Variants in SLCO3A1 observed in about 807,000 individuals in gnomAD.
SLCO3A1 encodes PGE1 transporter.
A neutral mutation model predicts 63.1 loss-of-function variants in SLCO3A1; 27 were observed. The observed-to-expected ratio is 0.43, with a 90% CI of 0.32 to 0.59. The LOEUF (loss-of-function observed/expected upper bound fraction) is 0.59, where lower values mean the gene tolerates loss of function less well. Among genes scored for constraint, SLCO3A1 ranks in the 20% least tolerant of loss-of-function variants. The pLI is 0.09. For synonymous variants in SLCO3A1, 473 were observed against 409.9 expected (o/e 1.15, Z -1.86); for missense variants, 773 against 945.8 (o/e 0.82, Z 2.40).
At chr15:92,009,813 ACAGATGTTT>A (rs2046349889) in intron 2 of SLCO3A1, among the ~76,000 whole-genome samples, 1 of 152,176 alleles carries the variant, frequency 6.6e-6, no homozygotes, top group African/African-American at 2.4e-5. Flanking sequence ...AGCTTGTCCC[ACAGATGTTT>A]CTTTCCTGAA....
At chr15:92,070,075 C>T (rs955439865) in intron 2 of SLCO3A1, among the ~76,000 whole-genome samples, 1 of 152,162 alleles carries the variant, frequency 6.6e-6, no homozygotes, top group African/African-American at 2.4e-5. Flanking sequence ...AGTCATTCTC[C>T]CAAAGAGGCG....
At chr15:91,927,615 G>A (rs886765177) in intron 2 of SLCO3A1, among the ~76,000 whole-genome samples, 4 of 152,092 alleles carry the variant, frequency 2.6e-5, no homozygotes, top group Admixed American at 1.3e-4. Context: ...TCATTCTGAT[G>A]GCTCTCCAAG....
rs1897723274 is a variant in SLCO3A1, at chr15:91,886,332, T to C, written c.181-29661T>C. Among the ~76,000 whole-genome samples, 1 of 152,198 alleles carries C rather than the reference T, an allele frequency of 6.6e-6. No homozygotes were observed. Among genetic ancestry groups the C allele is most frequent in the South Asian group, 2.1e-4 (1 of 4,828 alleles). On this transcript the variant is annotated intron_variant, in intron 1 of 9. Coordinates refer to ENST00000318445, the MANE Select transcript of SLCO3A1 (RefSeq NM_013272.4). This position sits in a 1 kb window ranked among gnomAD's most constrained non-coding sequence, Gnocchi z 4.9. Reference sequence around the variant, plus strand: ...CTTGTCTCTCATGCTTCTCTTTTAATTGAGATTTCCTTCAAGTCCTCCTTT... The same window carrying C: ...CTTGTCTCTCATGCTTCTCTTTTAACTGAGATTTCCTTCAAGTCCTCCTTT...
chr15:92,053,684 G>A (rs111723188), intron 2 of SLCO3A1, among the ~76,000 whole-genome samples: 1 of 14,924 alleles, frequency 6.7e-5, no homozygotes, highest in African/African-American at 1.1e-4. Context: ...TTGTTTTTTT[G>A]TTTGTTTGTT....
intron 7 of SLCO3A1, among the ~76,000 whole-genome samples, chr15:92,146,181 C>T (rs1014308471): frequency 3.9e-5 from 6 of 152,270 alleles, no homozygotes; most frequent in East Asian, 3.9e-4. Flanking sequence ...GGCTTGGCAC[C>T]GGGCACTGCC....
chr15:91,867,303 G>T (rs1052117854), intron 1 of SLCO3A1, among the ~76,000 whole-genome samples: 2 of 152,198 alleles, frequency 1.3e-5, no homozygotes, highest in African/African-American at 4.8e-5. Flanking sequence ...CGCATGCTGA[G>T]GCCAAGGGGC....
chr15:92,161,100 T>C (rs530267057), intron 9 of SLCO3A1, among the ~76,000 whole-genome samples: 3 of 152,340 alleles, frequency 2.0e-5, no homozygotes, highest in Admixed American at 2.0e-4. Context: ...ATAGAGGCCC[T>C]GGGATCTCAG....
intron 2 of SLCO3A1, among the ~76,000 whole-genome samples, chr15:92,032,650 C>T (rs530571792): frequency 5.0e-4 from 76 of 151,996 alleles, no homozygotes; most frequent in African/African-American, 1.7e-3. Flanking sequence ...GCCCTGGGTG[C>T]GGTGATTGGG....
In SLCO3A1 at chr15:91,968,147, A is replaced by G. The variant is rs1371408491; in HGVS notation, c.646+51689A>G. ...GCACAGTGCGTGTCTCCTTTCTCAG[A>G]CAGAGGACGTAATCATCCATGCCCA... On this transcript the variant is annotated intron_variant, in intron 2 of 9. Coordinates refer to ENST00000318445, the MANE Select transcript of SLCO3A1 (RefSeq NM_013272.4). This position sits in a 1 kb window ranked among gnomAD's most constrained non-coding sequence, Gnocchi z 4.2. Among the ~76,000 whole-genome samples the G allele has an allele frequency of 6.6e-6, 1 of 152,080 alleles. No individual in the cohort carries two copies. Among genetic ancestry groups the G allele is most frequent in the Non-Finnish European group, 1.5e-5 (1 of 68,010 alleles).
intron 2 of SLCO3A1, among the ~76,000 whole-genome samples, chr15:91,940,627 T>C (rs1483168954): frequency 1.3e-5 from 2 of 152,100 alleles, no homozygotes; most frequent in Admixed American, 1.3e-4. Context: ...CCTCTGTCAC[T>C]CAAAAAACCC....
chr15:92,032,808 A>T (rs1400478600), intron 2 of SLCO3A1, among the ~76,000 whole-genome samples: 1 of 152,112 alleles, frequency 6.6e-6, no homozygotes, highest in South Asian at 2.1e-4. Flanking sequence ...AGTACTAAAA[A>T]GATTTGGAGC....
chr15:92,046,288 A>T (rs2892289), intron 2 of SLCO3A1, among the ~76,000 whole-genome samples: 1 of 151,808 alleles, frequency 6.6e-6, no homozygotes, highest in African/African-American at 2.4e-5. Flanking sequence ...GCCGAGACGG[A>T]TGGGTCACTT....
intron 7 of SLCO3A1, among the ~76,000 whole-genome samples, chr15:92,135,141 C>T (rs1357085287): frequency 6.6e-6 from 1 of 152,106 alleles, no homozygotes; most frequent in African/African-American, 2.4e-5. Context: ...ATGATGCAGG[C>T]AGGTTTGGAG....
rs2048467375 is a variant in SLCO3A1, at chr15:92,163,559, A to T, written c.*424A>T. The T allele has an allele frequency of 1.0e-6, 1 of 982,934 alleles. No individual in the cohort carries two copies. The allele number at this position is 982,934 out of a possible 1,614,324, so 60.9% of individuals were successfully genotyped here. On this transcript the variant is annotated 3_prime_UTR_variant, in exon 10 of 10. Transcript: ENST00000318445. ...AGTTTCCTAAAATAAAAAAAATTAA[A>T]AAAAAAAAACCCACAAGTTGAAAAC... is the stretch of plus-strand genomic sequence containing the variant.
At position 91,912,714 on chromosome 15, in the gene SLCO3A1, A is replaced by G. The variant is rs1377125657; in HGVS notation, c.181-3279A>G. The stretch of plus-strand genomic sequence containing the variant: ...TTCTCTCCCTTCCCCCTACTTTGTT[A>G]CCCTCCAGCCTCATGGTGGGTCCTA... On this transcript the variant is annotated intron_variant, in intron 1 of 9. Coordinates refer to ENST00000318445, the MANE Select transcript of SLCO3A1 (RefSeq NM_013272.4). This position sits in a 1 kb window ranked among gnomAD's most constrained non-coding sequence, Gnocchi z 5.0. Among the ~76,000 whole-genome samples the G allele has an allele frequency of 6.6e-6, 1 of 151,994 alleles. No individual in the cohort carries two copies. Among genetic ancestry groups the G allele is most frequent in the Non-Finnish European group, 1.5e-5 (1 of 68,004 alleles).
Position 92,163,851 on chromosome 15 carries a change from A to T in SLCO3A1, c.*716A>T, listed in dbSNP as rs539737679. On this transcript the variant is annotated 3_prime_UTR_variant, in exon 10 of 10. Transcript: ENST00000318445. ...TTCCATGTTCAAGACTGAGGGCCTG[A>T]GGGGGAGCCAGGTGGGGGGCCAGCA... is the stretch of plus-strand genomic sequence containing the variant. 6 of 985,368 alleles carry T rather than the reference A, an allele frequency of 6.1e-6. No individual in the cohort carries two copies. The Admixed American group carries it at 2.5e-4, about 40-fold the overall frequency. 61.0% of individuals were successfully genotyped at this position (985,368 alleles called of 1,614,324 possible).
intron 2 of SLCO3A1, among the ~76,000 whole-genome samples, chr15:91,934,774 A>G (rs2151392689): frequency 6.6e-6 from 1 of 151,744 alleles, no homozygotes; most frequent in Middle Eastern, 3.4e-3. Context: ...TTCCTTTTCT[A>G]TTTTTCCGGT....
At chr15:91,986,891 A>C (rs938536186) in intron 2 of SLCO3A1, among the ~76,000 whole-genome samples, 4 of 152,144 alleles carry the variant, frequency 2.6e-5, no homozygotes. Flanking sequence ...ATATGGGGAG[A>C]AGGGTATCTC....
At chr15:92,051,658 C>T (rs2046958714) in intron 2 of SLCO3A1, among the ~76,000 whole-genome samples, 1 of 152,068 alleles carries the variant, frequency 6.6e-6, no homozygotes, top group Admixed American at 6.5e-5. Context: ...TCTTCTGATC[C>T]CATCGTGAAA....
Sources: allele counts gnomAD v4.1 joint callset (sites outside exome capture counted in the v4.1 genomes callset), GRCh38; gene constraint gnomAD v4.1.1; non-coding constraint Gnocchi (gnomAD v3.1); transcripts MANE v1.5; gene names NCBI Gene and HGNC (gene_info 2026-07-23, HGNC 2026-07-21).